The following ACADSB variants were observed in gnomAD, a reference collection of about 807,000 sequenced individuals.
ACADSB encodes acyl-CoA dehydrogenase short/branched chain.
In ACADSB, 40 loss-of-function variants were observed where a neutral mutation model predicts 54.1. The observed-to-expected ratio is 0.74, with a 90% CI of 0.57 to 0.96. The LOEUF (loss-of-function observed/expected upper bound fraction) is 0.96. ACADSB is among the 40% of genes least tolerant of loss of function. The pLI, the probability that ACADSB is intolerant of heterozygous loss-of-function variation, is 0.00. For missense variants in ACADSB, 530 were observed against 510.4 expected (o/e 1.04, Z -0.37); for synonymous variants, 182 against 182.8 (o/e 1.00, Z 0.03).
chr10:123,035,889 T>C (rs1347612598), intron 2 of ACADSB, among the ~76,000 whole-genome samples: 1 of 152,166 alleles, frequency 6.6e-6, no homozygotes, highest in African/African-American at 2.4e-5. Flanking sequence ...GAGCCCCACC[T>C]TTTTTAAGGG....
At chr10:123,024,796 T>C (rs1850228921) in intron 1 of ACADSB, among the ~76,000 whole-genome samples, 1 of 152,174 alleles carries the variant, frequency 6.6e-6, no homozygotes, top group Non-Finnish European at 1.5e-5. Context: ...CAGAATTTTC[T>C]GGGGTTCAAA....
chr10:123,038,880 C>G, intron 3 of ACADSB, among the ~76,000 whole-genome samples: 1 of 152,244 alleles, frequency 6.6e-6, no homozygotes, highest in Non-Finnish European at 1.5e-5. Context: ...CATTTCTCAG[C>G]CAGGTTTTAT....
chr10:123,009,980 T>C (rs887605251), intron 1 of ACADSB, among the ~76,000 whole-genome samples: 1 of 152,288 alleles, frequency 6.6e-6, no homozygotes, highest in African/African-American at 2.4e-5. Flanking sequence ...TTCAGTCTTA[T>C]GCCCAGAGGC....
chr10:123,051,220 G>C (rs1319186195), intron 9 of ACADSB, 34 bp downstream of exon 9: 3 of 1,151,558 alleles, frequency 2.6e-6, no homozygotes, highest in South Asian at 1.5e-5. Flanking sequence ...AAAGGAAAAA[G>C]TAATTCAGCC....
At position 123,044,425 on chromosome 10, in the gene ACADSB, A is replaced by G; in HGVS notation, c.840A>G (p.Gly280=). 1 of 1,613,970 alleles carries G rather than the reference A, an allele frequency of 6.2e-7. No individual in the cohort carries two copies. Among genetic ancestry groups the G allele is most frequent in the East Asian group, 2.2e-5 (1 of 44,866 alleles). ...AAGCCAATATCTTGGGACAAATTGG[A>G]CATGGCTATAAGTATGCCATAGGGA... ...VPEANILGQI[G]HGYKYAIGSL... The change falls in exon 7 of 11, where the codon GGA becomes GGG. Residue 280 remains glycine (G), a synonymous_variant. Coordinates refer to ENST00000358776, the MANE Select transcript of ACADSB (RefSeq NM_001609.4).
At position 123,051,190 on chromosome 10, in the gene ACADSB, A is replaced by T. The variant is rs1426757435; in HGVS notation, c.1128+4A>T. On this transcript the variant is annotated splice_donor_region_variant and intron_variant, in intron 9 of 10. Coordinates refer to ENST00000358776, the MANE Select transcript of ACADSB (RefSeq NM_001609.4). ...GGCCAAATACTATGCATCAGAGGTA[A>T]AAAAAAAAAAAAAAAAAAAAAAGGA... 4.6e-5 allele frequency: 6 copies of T among 130,084 alleles called. No individual in the cohort carries two copies. Among genetic ancestry groups the T allele is most frequent in the East Asian group, 2.1e-4 (1 of 4,742 alleles). The allele number at this position is 130,084 out of a possible 1,614,324, so 8.1% of individuals were successfully genotyped here. A position where few individuals can be genotyped will look rare whatever the true frequency, so the allele number is the denominator to read the frequency against.
At chr10:123,015,956 G>C (rs2133455737) in intron 1 of ACADSB, among the ~76,000 whole-genome samples, 1 of 152,328 alleles carries the variant, frequency 6.6e-6, no homozygotes, top group Admixed American at 6.5e-5. Flanking sequence ...AAGAAGACTT[G>C]AGAAGATGTG....
At chr10:123,044,525 A>T in intron 7 of ACADSB, 40 bp downstream of exon 7, 1 of 1,515,034 alleles carries the variant, frequency 6.6e-7, no homozygotes, top group Non-Finnish European at 9.2e-7. Flanking sequence ...TGAGTCAATT[A>T]AACTGTGAAA....
intron 6 of ACADSB, among the ~76,000 whole-genome samples, chr10:123,044,161 A>C (rs771027773): frequency 2.2e-4 from 34 of 152,218 alleles, no homozygotes; most frequent in Admixed American, 5.9e-4. Flanking sequence ...AGATTCACTC[A>C]TCCATTCAAT....
rs202143221 is a variant in ACADSB at position 123,009,103 on chromosome 10, C to T, written c.42+32C>T. On this transcript the variant is annotated intron_variant, in intron 1 of 10. Coordinates refer to ENST00000358776, the MANE Select transcript of ACADSB (RefSeq NM_001609.4). ...GCGTTCGAGGCTGGCGTCCTGGGGGCCCAGGGCGACCTTGGCCCCTGGAAT... is the reference window on the plus strand; with the variant it reads ...GCGTTCGAGGCTGGCGTCCTGGGGGTCCAGGGCGACCTTGGCCCCTGGAAT... 13 of 1,541,498 alleles carry T rather than the reference C, an allele frequency of 8.4e-6. No homozygotes were observed. In the East Asian group the frequency reaches 2.7e-4, roughly 32 times the overall value.
At chr10:123,026,063 T>C (rs1490122434) in intron 1 of ACADSB, among the ~76,000 whole-genome samples, 2 of 152,240 alleles carry the variant, frequency 1.3e-5, no homozygotes, top group Admixed American at 1.3e-4. Flanking sequence ...AGTGAGACTC[T>C]GTCTCACAAC....
chr10:123,025,844 T>C (rs1288713515), intron 1 of ACADSB, among the ~76,000 whole-genome samples: 1 of 152,166 alleles, frequency 6.6e-6, no homozygotes, highest in Non-Finnish European at 1.5e-5. Flanking sequence ...GCAGATCACC[T>C]GAGGTCAGGA....
intron 1 of ACADSB, among the ~76,000 whole-genome samples, chr10:123,014,008 G>A (rs960064891): frequency 6.6e-6 from 1 of 152,230 alleles, no homozygotes; most frequent in Admixed American, 6.5e-5. Context: ...CGCCGAGGCC[G>A]AGGAGGCGAG....
chr10:123,037,939 A>G, intron 3 of ACADSB, 92 bp downstream of exon 3: 1 of 954,248 alleles, frequency 1.0e-6, no homozygotes, highest in Non-Finnish European at 1.6e-6. Flanking sequence ...TCCCAGTCAA[A>G]ATTATCTGTT....
rs189654072 is a variant in ACADSB at position 123,054,584 on chromosome 10, T to C, written c.*819T>C. ...AATCTAAAAATTCTGGTTTTAAATA[T>C]GAGAATCAGTGGAAAATAAGGGTAT... On this transcript the variant is annotated 3_prime_UTR_variant, in exon 11 of 11. Transcript: ENST00000358776. 2 of 152,312 alleles carry C rather than the reference T, an allele frequency of 1.3e-5. No individual in the cohort carries two copies. The highest frequency in any genetic ancestry group is 3.9e-4 in the East Asian group (2 of 5,190). 9.4% of individuals were successfully genotyped at this position (152,312 alleles called of 1,614,324 possible).
intron 9 of ACADSB, 66 bp downstream of exon 9, chr10:123,051,252 T>G: frequency 3.6e-6 from 5 of 1,390,108 alleles, no homozygotes; most frequent in Non-Finnish European, 4.8e-6. Context: ...AGATATATAC[T>G]TATTAACATT....
chr10:123,051,040 C>T lies in ACADSB; in HGVS notation c.991-9C>T, dbSNP rs1339012973. The T allele has an allele frequency of 6.2e-7, 1 of 1,611,356 alleles. No homozygotes were observed. The highest frequency in any genetic ancestry group is 8.5e-7 in the Non-Finnish European group (1 of 1,179,532). On this transcript the variant is annotated splice_polypyrimidine_tract_variant and intron_variant, in intron 8 of 10. Transcript: ENST00000358776. ...TCATAATTCTCTAACTTGGGCCTGA[C>T]TGTTACAGGGCCTCCAACACCAAGT...
intron 1 of ACADSB, among the ~76,000 whole-genome samples, chr10:123,014,118 C>A (rs1416475033): frequency 6.6e-5 from 10 of 152,230 alleles, no homozygotes; most frequent in African/African-American, 2.2e-4. Flanking sequence ...ATGAGTTCCT[C>A]ATTAAAGGAC....
rs532491098 is a variant in ACADSB at position 123,009,192 on chromosome 10, G to A, written c.42+121G>A. Reference sequence around the variant, plus strand: ...GGCCTGAGCCCCGCTCCACGTCCTGGGTCCCCAGACTCTTTACCCGCGGGC... The same window carrying A: ...GGCCTGAGCCCCGCTCCACGTCCTGAGTCCCCAGACTCTTTACCCGCGGGC... On this transcript the variant is annotated intron_variant, in intron 1 of 10. Coordinates refer to ENST00000358776, the MANE Select transcript of ACADSB (RefSeq NM_001609.4). The A allele has an allele frequency of 1.2e-5, 14 of 1,141,982 alleles. No individual in the cohort carries two copies. The African/African-American group carries it at 1.5e-4, about 12-fold the overall frequency. 70.7% of individuals were successfully genotyped at this position (1,141,982 alleles called of 1,614,324 possible).
Sources: gnomAD v4.1 joint callset for allele counts (sites outside exome capture counted in the v4.1 genomes callset) on GRCh38, gnomAD v4.1.1 for gene constraint, MANE v1.5 for transcripts, NCBI Gene and HGNC (gene_info 2026-07-23, HGNC 2026-07-21) for gene names.